EXOC2: variants seen among roughly 807,000 people sequenced by gnomAD.
The protein encoded by EXOC2 is exocyst complex component 2.
Under a neutral mutation model 131.8 loss-of-function variants are expected in EXOC2, and 70 were observed. That is an observed-to-expected ratio of 0.53 (90% CI 0.44 to 0.65). The LOEUF is 0.65. EXOC2 is among the 30% of genes least tolerant of loss of function. The probability of loss-of-function intolerance (pLI) is 0.00; values close to 1 mark genes in which losing one functional copy is unlikely to be tolerated. For missense variants in EXOC2, 923 were observed against 1,108.6 expected, an observed-to-expected ratio of 0.83 and a Z score of 2.38; for synonymous variants, 411 against 398.4, an observed-to-expected ratio of 1.03 and a Z score of -0.38.
chr6:543,728 C>T (rs560928611), intron 22 of EXOC2, among the ~76,000 whole-genome samples: 1 of 152,220 alleles, frequency 6.6e-6, no homozygotes, highest in Non-Finnish European at 1.5e-5. Flanking sequence ...AAAAAGGAGC[C>T]ATTCCCAAGC....
At chr6:680,362 C>T (rs1481376247) in intron 1 of EXOC2, among the ~76,000 whole-genome samples, 1 of 152,272 alleles carries the variant, frequency 6.6e-6, no homozygotes, top group Non-Finnish European at 1.5e-5. Context: ...TACCTTTATA[C>T]AAACAAGGGC....
chr6:649,217 T>C (rs944266253), intron 1 of EXOC2, among the ~76,000 whole-genome samples: 1 of 152,154 alleles, frequency 6.6e-6, no homozygotes, highest in Non-Finnish European at 1.5e-5. Flanking sequence ...TTGGAAAGCA[T>C]AGGGATAAAG....
chr6:684,720 A>C (rs1185172872), intron 1 of EXOC2, among the ~76,000 whole-genome samples: 3 of 152,236 alleles, frequency 2.0e-5, no homozygotes, highest in Non-Finnish European at 2.9e-5. Context: ...CTACTAGAAA[A>C]AAAGACAGTA....
intron 1 of EXOC2, among the ~76,000 whole-genome samples, chr6:638,535 A>T (rs139445397): frequency 8.1e-4 from 124 of 152,358 alleles, no homozygotes; most frequent in African/African-American, 2.8e-3. Flanking sequence ...TCTTGTATGT[A>T]AAGTGGAGCT....
intron 4 of EXOC2, among the ~76,000 whole-genome samples, chr6:628,546 C>T (rs17135963): frequency 0.047 from 7,211 of 152,214 alleles, 331 homozygotes; most frequent in South Asian, 0.19. Context: ...TGATAGTAAA[C>T]GTCTGAATGA....
intron 3 of EXOC2, among the ~76,000 whole-genome samples, chr6:630,403 C>G (rs750841553): frequency 2.0e-5 from 3 of 152,164 alleles, no homozygotes; most frequent in Admixed American, 6.5e-5. Flanking sequence ...ATCATGTAAA[C>G]TCTTGGAAAA....
chr6:679,283 C>A (rs1256561232), intron 1 of EXOC2: 2 of 150,926 alleles, frequency 1.3e-5, no homozygotes, highest in Non-Finnish European at 3.0e-5. Context: ...CCAAGAGCTT[C>A]AAAAAAAAAT....
intron 1 of EXOC2, among the ~76,000 whole-genome samples, chr6:675,003 A>G (rs976420313): frequency 6.6e-6 from 1 of 152,018 alleles, no homozygotes; most frequent in African/African-American, 2.4e-5. Context: ...CAGCTTGCCT[A>G]CCCTGCCTAG....
At chr6:658,651 A>ATATATATATTT (rs1763258702) in intron 1 of EXOC2, among the ~76,000 whole-genome samples, 2 of 75,816 alleles carry the variant, frequency 2.6e-5, no homozygotes, top group Non-Finnish European at 2.9e-5. Context: ...TATTTTATAT[A>ATATATATATTT]TATATATATA....
At chr6:567,400 A>C (rs1214163355) in intron 13 of EXOC2, among the ~76,000 whole-genome samples, 1 of 152,204 alleles carries the variant, frequency 6.6e-6, no homozygotes, top group Non-Finnish European at 1.5e-5. Context: ...CCTGACCTCC[A>C]ACCCATTGCT....
chr6:505,134 C>T (rs938081168), intron 23 of EXOC2, among the ~76,000 whole-genome samples: 7 of 150,068 alleles, frequency 4.7e-5, no homozygotes, highest in Admixed American at 6.6e-5. Flanking sequence ...AACACAACAA[C>T]GGCAGAAAAA....
chr6:672,586 T>C (rs1763922583), intron 1 of EXOC2, among the ~76,000 whole-genome samples: 2 of 152,270 alleles, frequency 1.3e-5, no homozygotes, highest in Non-Finnish European at 2.9e-5. Context: ...GAAGTTGGGA[T>C]GCTCTGTATC....
At chr6:599,363 G>T in intron 7 of EXOC2, 138 bp from the exon 8 acceptor site, 1 of 773,710 alleles carries the variant, frequency 1.3e-6, no homozygotes, top group Non-Finnish European at 1.9e-6. Context: ...CAGTTTAGGG[G>T]ATCTTTTATG....
rs527620707 is a variant in EXOC2 at position 485,560 on chromosome 6, C to T, written c.*1111G>A. The T allele has an allele frequency of 2.0e-5, 3 of 152,262 alleles. No individual in the cohort carries two copies. Among genetic ancestry groups the T allele is most frequent in the Non-Finnish European group, 4.4e-5 (3 of 68,020 alleles). The allele number at this position is 152,262 out of a possible 1,614,324, so 9.4% of individuals were successfully genotyped here. A position where few individuals can be genotyped will look rare whatever the true frequency, so the allele number is the denominator to read the frequency against. On this transcript the variant is annotated 3_prime_UTR_variant, in exon 28 of 28. Coordinates refer to ENST00000230449, the MANE Select transcript of EXOC2 (RefSeq NM_018303.6). ...ATTCCTCTCTGAAAATTTTCAGATG[C>T]GACGGTATGAGGGAGTTGGGTGGGC...
intron 3 of EXOC2, 27 bp from the exon 4 acceptor site, chr6:629,988 A>G (rs1450818828): frequency 1.9e-6 from 3 of 1,611,994 alleles, no homozygotes; most frequent in Non-Finnish European, 1.7e-6. Flanking sequence ...CATATGCTTA[A>G]TAAGATGAAG....
At chr6:576,436 TGAA>T (rs922967957) in intron 12 of EXOC2, among the ~76,000 whole-genome samples, 1 of 152,216 alleles carries the variant, frequency 6.6e-6, no homozygotes, top group African/African-American at 2.4e-5. Flanking sequence ...TCCATCTTAA[TGAA>T]GTTCTCACAG....
At chr6:596,029 C>CT (rs1759797978) in intron 10 of EXOC2, among the ~76,000 whole-genome samples, 1 of 152,102 alleles carries the variant, frequency 6.6e-6, no homozygotes, top group African/African-American at 2.4e-5. Flanking sequence ...ACTGTGTGTG[C>CT]TGGGCAAGCT....
chr6:671,354 C>A (rs7752087), intron 1 of EXOC2, among the ~76,000 whole-genome samples: 104,938 of 149,292 alleles, frequency 0.7, 37,222 homozygotes, highest in East Asian at 0.79. Context: ...ACAACAACAA[C>A]AAAAAAAAAC....
At chr6:651,030 CTTTT>C (rs66636202) in intron 1 of EXOC2, among the ~76,000 whole-genome samples, 18 of 136,196 alleles carry the variant, frequency 1.3e-4, no homozygotes, top group African/African-American at 1.9e-4. Flanking sequence ...GGCATGTGTT[CTTTT>C]TTTTTTTTTT....
Sources: allele counts gnomAD v4.1 joint callset (sites outside exome capture counted in the v4.1 genomes callset), GRCh38; gene constraint gnomAD v4.1.1; transcripts MANE v1.5; gene names NCBI Gene and HGNC (gene_info 2026-07-23, HGNC 2026-07-21).